Variants in HNRNPA0 observed in about 807,000 individuals in gnomAD.
HNRNPA0 encodes hnRNA binding protein.
For synonymous variants in HNRNPA0, 243 were observed against 195.5 expected (o/e 1.24, Z -2.03); for missense variants, 252 against 433.7 (o/e 0.58, Z 3.72).
At position 137,751,931 on chromosome 5, in the gene HNRNPA0, A is replaced by G. The variant is rs1263369653; in HGVS notation, c.*1218T>C. ...TCCTGTGAAGCCCATCTCAGTTACA[A>G]GCAAATGTGTTAACTTCCAATTCTG... On this transcript the variant is annotated 3_prime_UTR_variant, in exon 1 of 1. Transcript: ENST00000314940. The G allele has an allele frequency of 6.5e-6, 1 of 152,682 alleles. No individual in the cohort carries two copies. The highest frequency in any genetic ancestry group is 1.5e-5 in the Non-Finnish European group (1 of 68,044). 9.5% of individuals were successfully genotyped at this position (152,682 alleles called of 1,614,324 possible). A position where few individuals can be genotyped will look rare whatever the true frequency, so the allele number is the denominator to read the frequency against.
rs1253389361 is a variant in HNRNPA0, at chr5:137,751,289, C to T, written c.*1860G>A. The T allele has an allele frequency of 7.0e-6, 1 of 142,410 alleles. No individual in the cohort carries two copies. The highest frequency in any genetic ancestry group is 1.5e-5 in the Non-Finnish European group (1 of 66,206). The allele number at this position is 142,410 out of a possible 1,614,324, so 8.8% of individuals were successfully genotyped here. A position where few individuals can be genotyped will look rare whatever the true frequency, so the allele number is the denominator to read the frequency against. On this transcript the variant is annotated 3_prime_UTR_variant, in exon 1 of 1. Transcript: ENST00000314940. ...CTAATAATCTTAACCTTTCTTCTTA[C>T]TTCTTTAAAAGCCCTGCCAATCAGG...
rs915136759 is a variant in HNRNPA0, at chr5:137,753,395, G to A, written c.672C>T (p.Gly224=). 2.6e-6 allele frequency: 4 copies of A among 1,547,748 alleles called. No individual in the cohort carries two copies. Among genetic ancestry groups the A allele is most frequent in the South Asian group, 1.2e-5 (1 of 84,492 alleles). ...GGGYNSYGGY[G]GGGGGGYNAY... Reference sequence around the variant, plus strand: ...CATTGTAGCCGCCGCCTCCGCCGCCGCCGTAACCACCGTAGCTGTTGTAAC... The same window carrying A: ...CATTGTAGCCGCCGCCTCCGCCGCCACCGTAACCACCGTAGCTGTTGTAAC... The change falls in exon 1 of 1, where the codon GGC becomes GGT. Residue 224 remains glycine, a synonymous_variant. Coordinates refer to ENST00000314940, the MANE Select transcript of HNRNPA0 (RefSeq NM_006805.4). The surrounding 1 kb of genome is among the most constrained non-coding windows in gnomAD (Gnocchi z 6.1).
rs1379282814 is a variant in HNRNPA0, at chr5:137,747,929, T to C, written c.*5220A>G. The C allele has an allele frequency of 1.3e-5, 2 of 152,214 alleles. No individual in the cohort carries two copies. The highest frequency in any genetic ancestry group is 2.9e-5 in the Non-Finnish European group (2 of 68,016). The allele number at this position is 152,214 out of a possible 1,614,324, so 9.4% of individuals were successfully genotyped here. On this transcript the variant is annotated 3_prime_UTR_variant, in exon 1 of 1. Transcript: ENST00000314940. ...TTAGCTGGAAGTCAATGAAGCTTAG[T>C]AGAAGGAGCGAAACAACTAGAATTG...
Position 137,753,103 on chromosome 5 carries a change from G to A in HNRNPA0, c.*46C>T. On this transcript the variant is annotated 3_prime_UTR_variant, in exon 1 of 1. Coordinates refer to ENST00000314940, the MANE Select transcript of HNRNPA0 (RefSeq NM_006805.4). The surrounding 1 kb of genome is among the most constrained non-coding windows in gnomAD (Gnocchi z 6.1). ...GGAGTTGACCCCACTTGGGCTGTTG[G>A]AAAGAGCTACCCCTATAGCCACTCC... is the stretch of plus-strand genomic sequence containing the variant. The A allele has an allele frequency of 4.5e-6, 7 of 1,560,130 alleles. No homozygotes were observed. The highest frequency in any genetic ancestry group is 1.9e-4 in the Middle Eastern group (1 of 5,288).
rs951262077 is a variant in HNRNPA0, at chr5:137,753,248, G to C, written c.819C>G (p.Gly273=). Residue 273 remains glycine (G), a synonymous_variant, in exon 1 of 1, where the codon GGC becomes GGG. Coordinates refer to ENST00000314940, the MANE Select transcript of HNRNPA0 (RefSeq NM_006805.4). The surrounding 1 kb of genome is among the most constrained non-coding windows in gnomAD (Gnocchi z 6.1). The stretch of plus-strand genomic sequence containing the variant: ...CCCAGCTACTGCCTCCACCGCCGCC[G>C]CCGCCGCCGCTCTTCATGGGCCCAT... ...SSYGPMKSGG[G]GGGGGSSWGG... The C allele has an allele frequency of 6.2e-7, 1 of 1,607,426 alleles. No homozygotes were observed.
In HNRNPA0 at chr5:137,749,554, C is replaced by G. The variant is rs1753463435; in HGVS notation, c.*3595G>C. 6.6e-6 allele frequency: 1 copy of G among 152,182 alleles called. No homozygotes were observed. Among genetic ancestry groups the G allele is most frequent in the Non-Finnish European group, 1.5e-5 (1 of 68,016 alleles). 9.4% of individuals were successfully genotyped at this position (152,182 alleles called of 1,614,324 possible). Reference sequence around the variant, plus strand: ...ACAGCTAAGGAGTTATTTGACTAGGCAGTCTTTGTTGCTGTTTCAAAAGGC... The same window carrying G: ...ACAGCTAAGGAGTTATTTGACTAGGGAGTCTTTGTTGCTGTTTCAAAAGGC... On this transcript the variant is annotated 3_prime_UTR_variant, in exon 1 of 1. Coordinates refer to ENST00000314940, the MANE Select transcript of HNRNPA0 (RefSeq NM_006805.4).
At position 137,754,040 on chromosome 5, in the gene HNRNPA0, C is replaced by A; in HGVS notation, c.27G>T (p.Leu9=). 6.2e-7 allele frequency: 1 copy of A among 1,613,482 alleles called. No homozygotes were observed. The highest frequency in any genetic ancestry group is 8.5e-7 in the Non-Finnish European group (1 of 1,179,586). ...TCTGCACATTGAGGCCGCCGATGAACAGCTTACACAACTGAGAATTCTCCA... is the reference window on the plus strand; with the variant it reads ...TCTGCACATTGAGGCCGCCGATGAAAAGCTTACACAACTGAGAATTCTCCA... MENSQLCK[L]FIGGLNVQTS... Residue 9 remains leucine (L), a synonymous_variant, in exon 1 of 1, where the codon CTG becomes CTT. Transcript: ENST00000314940.
In HNRNPA0 at chr5:137,748,501, C is replaced by G. The variant is rs916777165; in HGVS notation, c.*4648G>C. On this transcript the variant is annotated 3_prime_UTR_variant, in exon 1 of 1. Coordinates refer to ENST00000314940, the MANE Select transcript of HNRNPA0 (RefSeq NM_006805.4). ...CTTTTGCTAGTCTGTCCCACCTCTT[C>G]ATTAGGGGCCATATAGTAAAATTAC... 2 of 152,168 alleles carry G rather than the reference C, an allele frequency of 1.3e-5. No homozygotes were observed. The highest frequency in any genetic ancestry group is 3.8e-4 in the East Asian group (2 of 5,198). 9.4% of individuals were successfully genotyped at this position (152,168 alleles called of 1,614,324 possible). A position where few individuals can be genotyped will look rare whatever the true frequency, so the allele number is the denominator to read the frequency against.
At position 137,753,742 on chromosome 5, in the gene HNRNPA0, C is replaced by T; in HGVS notation, c.325G>A (p.Val109Met). Residue 109 changes from valine (V) to methionine (M), a missense_variant, in exon 1 of 1, where the codon GTG becomes ATG. Transcript: ENST00000314940. This position sits in a 1 kb window ranked among gnomAD's most constrained non-coding sequence, Gnocchi z 6.1. The part of the protein sequence containing the change: ...KLFVGGLKGD[V>M]AEGDLIEHFS... ...TGCTCGATCAGGTCGCCCTCAGCCA[C>T]GTCTCCTTTAAGGCCTCCGACAAAG... 6.2e-7 allele frequency: 1 copy of T among 1,612,618 alleles called. No individual in the cohort carries two copies.
Position 137,751,701 on chromosome 5 carries a change from A to G in HNRNPA0, c.*1448T>C, listed in dbSNP as rs1753500447. 1 of 152,506 alleles carries G rather than the reference A, an allele frequency of 6.6e-6. No homozygotes were observed. 9.4% of individuals were successfully genotyped at this position (152,506 alleles called of 1,614,324 possible). ...TAAACAACAACTTGAATGCTATTGC[A>G]GGAAAGGGCTACAAATATACATTTG... On this transcript the variant is annotated 3_prime_UTR_variant, in exon 1 of 1. Transcript: ENST00000314940.
Position 137,753,530 on chromosome 5 carries a change from G to A in HNRNPA0, c.537C>T (p.Ile179=). The change falls in exon 1 of 1, where the codon ATC becomes ATT. Residue 179 remains isoleucine (I), a synonymous_variant. Coordinates refer to ENST00000314940, the MANE Select transcript of HNRNPA0 (RefSeq NM_006805.4). This position sits in a 1 kb window ranked among gnomAD's most constrained non-coding sequence, Gnocchi z 6.1. ...EVKKAVPKED[I]YSGGGGGGSR... ...AGCCGCCTCCACCCCCACCGGAGTA[G>A]ATATCCTCCTTGGGGACTGCTTTCT... The A allele has an allele frequency of 6.2e-7, 1 of 1,611,356 alleles. No homozygotes were observed. The highest frequency in any genetic ancestry group is 8.5e-7 in the Non-Finnish European group (1 of 1,178,490).
In HNRNPA0 at chr5:137,751,246, G is replaced by A. The variant is rs1753492400; in HGVS notation, c.*1903C>T. On this transcript the variant is annotated 3_prime_UTR_variant, in exon 1 of 1. Transcript: ENST00000314940. ...GCTACCCTTTGTCAAAATGACTACT[G>A]AGCAGCTATAACCTAGCCTAATAAT... 2 of 148,940 alleles carry A rather than the reference G, an allele frequency of 1.3e-5. No homozygotes were observed. The highest frequency in any genetic ancestry group is 6.7e-5 in the Admixed American group (1 of 14,842). 9.2% of individuals were successfully genotyped at this position (148,940 alleles called of 1,614,324 possible).
At position 137,750,276 on chromosome 5, in the gene HNRNPA0, T is replaced by C. The variant is rs746622352; in HGVS notation, c.*2873A>G. The C allele has an allele frequency of 1.3e-5, 2 of 152,136 alleles. No homozygotes were observed. The highest frequency in any genetic ancestry group is 2.9e-5 in the Non-Finnish European group (2 of 67,988). The allele number at this position is 152,136 out of a possible 1,614,324, so 9.4% of individuals were successfully genotyped here. A position where few individuals can be genotyped will look rare whatever the true frequency, so the allele number is the denominator to read the frequency against. On this transcript the variant is annotated 3_prime_UTR_variant, in exon 1 of 1. Coordinates refer to ENST00000314940, the MANE Select transcript of HNRNPA0 (RefSeq NM_006805.4). ...TAAACATAATGGAAATATTCAAAAA[T>C]TGAAAAAAATCTAAAACTCAAAACA... is the stretch of plus-strand genomic sequence containing the variant.
rs922156974 is a variant in HNRNPA0 at position 137,748,874 on chromosome 5, A to G, written c.*4275T>C. 2 of 152,196 alleles carry G rather than the reference A, an allele frequency of 1.3e-5. No homozygotes were observed. The highest frequency in any genetic ancestry group is 4.8e-5 in the African/African-American group (2 of 41,444). The allele number at this position is 152,196 out of a possible 1,614,324, so 9.4% of individuals were successfully genotyped here. ...AAAGAGTCTTAATTTTCATCAGAGA[A>G]TGTACATTCAATGACAATGGAGCTA... On this transcript the variant is annotated 3_prime_UTR_variant, in exon 1 of 1. Transcript: ENST00000314940.
At position 137,746,226 on chromosome 5, in the gene HNRNPA0, C is replaced by T. The variant is rs1316680105; in HGVS notation, c.*6923G>A. Reference sequence around the variant, plus strand: ...TAGTTCTGATTGCTTTCCTTATAAACCTTCATTGAAAGCAGCTGTATGAAA... The same window carrying T: ...TAGTTCTGATTGCTTTCCTTATAAATCTTCATTGAAAGCAGCTGTATGAAA... On this transcript the variant is annotated 3_prime_UTR_variant, in exon 1 of 1. Transcript: ENST00000314940. 1 of 152,164 alleles carries T rather than the reference C, an allele frequency of 6.6e-6. No individual in the cohort carries two copies. The highest frequency in any genetic ancestry group is 6.5e-5 in the Admixed American group (1 of 15,276). 9.4% of individuals were successfully genotyped at this position (152,164 alleles called of 1,614,324 possible).
chr5:137,747,671 C>T lies in HNRNPA0; in HGVS notation c.*5478G>A, dbSNP rs933910899. ...ATCAGTTGTCTTAGCAAACTTGCCA[C>T]TTTGAAACATCCCCCACTGCCATTT... On this transcript the variant is annotated 3_prime_UTR_variant, in exon 1 of 1. Coordinates refer to ENST00000314940, the MANE Select transcript of HNRNPA0 (RefSeq NM_006805.4). 6.6e-6 allele frequency: 1 copy of T among 152,214 alleles called. No homozygotes were observed. The highest frequency in any genetic ancestry group is 1.5e-5 in the Non-Finnish European group (1 of 68,036). 9.4% of individuals were successfully genotyped at this position (152,214 alleles called of 1,614,324 possible). A position where few individuals can be genotyped will look rare whatever the true frequency, so the allele number is the denominator to read the frequency against.
In HNRNPA0 at chr5:137,750,346, C is replaced by T. The variant is rs1753476647; in HGVS notation, c.*2803G>A. ...CAGATAAGGAATACTCAACCTGTAT[C>T]ATCTCTAACAGCCTTTCAAACCACT... On this transcript the variant is annotated 3_prime_UTR_variant, in exon 1 of 1. Coordinates refer to ENST00000314940, the MANE Select transcript of HNRNPA0 (RefSeq NM_006805.4). 1 of 152,254 alleles carries T rather than the reference C, an allele frequency of 6.6e-6. No homozygotes were observed. Among genetic ancestry groups the T allele is most frequent in the African/African-American group, 2.4e-5 (1 of 41,550 alleles). 9.4% of individuals were successfully genotyped at this position (152,254 alleles called of 1,614,324 possible). A position where few individuals can be genotyped will look rare whatever the true frequency, so the allele number is the denominator to read the frequency against.
In HNRNPA0 at chr5:137,752,107, T is replaced by C. The variant is rs1753507878; in HGVS notation, c.*1042A>G. ...ATTTCCATGAGGCCAACAGTTCGGA[T>C]ATAGGAAAAAAAAAAAAAAAACGTT... On this transcript the variant is annotated 3_prime_UTR_variant, in exon 1 of 1. Coordinates refer to ENST00000314940, the MANE Select transcript of HNRNPA0 (RefSeq NM_006805.4). 1.4e-5 allele frequency: 2 copies of C among 141,212 alleles called. No homozygotes were observed. The highest frequency in any genetic ancestry group is 2.7e-5 in the African/African-American group (1 of 37,472). 8.7% of individuals were successfully genotyped at this position (141,212 alleles called of 1,614,324 possible).
rs1257949255 is a variant in HNRNPA0 at position 137,746,506 on chromosome 5, TA to T, written c.*6642del. On this transcript the variant is annotated 3_prime_UTR_variant, in exon 1 of 1. Coordinates refer to ENST00000314940, the MANE Select transcript of HNRNPA0 (RefSeq NM_006805.4). ...CCTGCTTCAGGGCTTTTGCTCTTCC[TA>T]ATCCTCTACCTAGAATGCTCTTCCC... The T allele has an allele frequency of 6.6e-6, 1 of 152,248 alleles. No homozygotes were observed. The highest frequency in any genetic ancestry group is 1.5e-5 in the Non-Finnish European group (1 of 68,056). 9.4% of individuals were successfully genotyped at this position (152,248 alleles called of 1,614,324 possible).
Sources: gnomAD v4.1 joint callset for allele counts on GRCh38, gnomAD v4.1.1 for gene constraint, Gnocchi (gnomAD v3.1) non-coding constraint, MANE v1.5 for transcripts, NCBI Gene and HGNC (gene_info 2026-07-23, HGNC 2026-07-21) for gene names.